Variants in PGM2L1 observed in about 807,000 individuals in gnomAD.
The protein encoded by PGM2L1 is phosphoglucomutase 2 like 1, also known as glucose 1,6-bisphosphate synthase.
Under a neutral mutation model 73.4 loss-of-function variants are expected in PGM2L1, and 35 were observed. The ratio of observed to expected loss-of-function variants is 0.48; its 90% CI spans 0.36 to 0.63. The LOEUF (loss-of-function observed/expected upper bound fraction) is 0.63, where lower values mean the gene tolerates loss of function less well. Among genes scored for constraint, PGM2L1 ranks in the 30% least tolerant of loss-of-function variants. The pLI is 0.00. For synonymous variants in PGM2L1, 225 were observed against 253.8 expected (o/e 0.89, Z 1.08); for missense variants, 570 against 742.0 (o/e 0.77, Z 2.69).
At chr11:74,373,981 A>G (rs1862814244) in intron 2 of PGM2L1, among the ~76,000 whole-genome samples, 1 of 151,660 alleles carries the variant, frequency 6.6e-6, no homozygotes, top group South Asian at 2.1e-4. Context: ...TTACTTACAT[A>G]ACAGTAACTT....
intron 9 of PGM2L1, among the ~76,000 whole-genome samples, chr11:74,344,861 C>A (rs1862238743): frequency 6.6e-6 from 1 of 152,124 alleles, no homozygotes; most frequent in Admixed American, 6.5e-5. Context: ...AGTGTTAAGA[C>A]CTGTAGCCTG....
intron 12 of PGM2L1, among the ~76,000 whole-genome samples, chr11:74,341,151 G>A (rs1032683702): frequency 1.2e-4 from 18 of 152,080 alleles, no homozygotes; most frequent in Admixed American, 5.2e-4. Flanking sequence ...CTTACCCTGA[G>A]GGTAGTATAC....
intron 12 of PGM2L1, among the ~76,000 whole-genome samples, chr11:74,341,491 A>C (rs2134882075): frequency 6.6e-6 from 1 of 152,250 alleles, no homozygotes; most frequent in South Asian, 2.1e-4. Flanking sequence ...CAGGAGTTCA[A>C]GACCAGCCTG....
intron 13 of PGM2L1, among the ~76,000 whole-genome samples, 195 bp downstream of exon 13, chr11:74,338,273 G>C (rs547631508): frequency 6.6e-6 from 1 of 152,246 alleles, no homozygotes; most frequent in Admixed American, 6.5e-5. Flanking sequence ...GGAGGGAAAT[G>C]GGAAGTGATT....
intron 5 of PGM2L1, among the ~76,000 whole-genome samples, chr11:74,363,479 C>T (rs1862599461): frequency 6.6e-6 from 1 of 151,724 alleles, no homozygotes; most frequent in South Asian, 2.1e-4. Context: ...GCTAGCAAGA[C>T]TAATAAAGAA....
chr11:74,340,980 C>T (rs1356413758), intron 12 of PGM2L1, among the ~76,000 whole-genome samples: 1 of 152,092 alleles, frequency 6.6e-6, no homozygotes, highest in African/African-American at 2.4e-5. Flanking sequence ...TTCTATTTGG[C>T]TGGAGGTATA....
At chr11:74,338,318 T>C in intron 13 of PGM2L1, 150 bp downstream of exon 13, 1 of 717,418 alleles carries the variant, frequency 1.4e-6, no homozygotes, top group Non-Finnish European at 2.0e-6. Context: ...GTGATGAAAA[T>C]GTTCTAAAAT....
chr11:74,371,597 TCA>T lies in PGM2L1; in HGVS notation c.386+112_386+113del, dbSNP rs1193554060. On this transcript the variant is annotated intron_variant, in intron 3 of 13. Coordinates refer to ENST00000298198, the MANE Select transcript of PGM2L1 (RefSeq NM_173582.6). Reference sequence around the variant, plus strand: ...CTTTAAAGTAAATATTAGCATGTGATCACATTTCTATCTGACAGTCTACTGTT... The same window carrying T: ...CTTTAAAGTAAATATTAGCATGTGATCATTTCTATCTGACAGTCTACTGTT... The T allele has an allele frequency of 8.1e-6, 6 of 738,930 alleles. No individual in the cohort carries two copies. In the African/African-American group the frequency reaches 8.9e-5, roughly 11 times the overall value. 45.8% of individuals were successfully genotyped at this position (738,930 alleles called of 1,614,324 possible).
At chr11:74,379,538 A>G (rs1239457053) in intron 1 of PGM2L1, among the ~76,000 whole-genome samples, 1 of 152,228 alleles carries the variant, frequency 6.6e-6, no homozygotes, top group Non-Finnish European at 1.5e-5. Context: ...GTATTCTAGT[A>G]CAAAACCTAA....
intron 5 of PGM2L1, 81 bp downstream of exon 5, chr11:74,368,411 T>C (rs1284505684): frequency 5.5e-6 from 7 of 1,261,872 alleles, no homozygotes; most frequent in South Asian, 2.5e-5. Flanking sequence ...CTCTCCAGTA[T>C]AGAAAACATA....
At chr11:74,352,107 T>C (rs1862367227) in intron 5 of PGM2L1, among the ~76,000 whole-genome samples, 1 of 152,052 alleles carries the variant, frequency 6.6e-6, no homozygotes, top group South Asian at 2.1e-4. Context: ...ATCAAATGAT[T>C]ATATATGATT....
chr11:74,345,385 T>G, intron 9 of PGM2L1, 84 bp downstream of exon 9: 1 of 1,175,198 alleles, frequency 8.5e-7, no homozygotes, highest in East Asian at 2.4e-5. Context: ...ATGAAATCAA[T>G]GAAAGTCAGT....
chr11:74,357,650 C>T (rs1862479648), intron 5 of PGM2L1, among the ~76,000 whole-genome samples: 1 of 152,186 alleles, frequency 6.6e-6, no homozygotes, highest in African/African-American at 2.4e-5. Context: ...ACTCTTGTTA[C>T]ATGATTCAGC....
intron 1 of PGM2L1, among the ~76,000 whole-genome samples, chr11:74,376,978 C>G (rs969095078): frequency 6.6e-6 from 1 of 151,936 alleles, no homozygotes; most frequent in African/African-American, 2.4e-5. Context: ...AAAATATAAC[C>G]TAAAAAACTA....
intron 5 of PGM2L1, chr11:74,355,129 T>C: frequency 7.5e-7 from 1 of 1,338,842 alleles, no homozygotes; most frequent in South Asian, 1.2e-5. Context: ...TGTGGTGGCT[T>C]TGGTGGCAGC....
chr11:74,394,367 TC>T (rs1438276958), intron 1 of PGM2L1, among the ~76,000 whole-genome samples: 1 of 152,144 alleles, frequency 6.6e-6, no homozygotes, highest in African/African-American at 2.4e-5. Context: ...AGTGAGTACA[TC>T]CTGAGACAAG....
chr11:74,390,102 G>A (rs1214256616), intron 1 of PGM2L1, among the ~76,000 whole-genome samples: 6 of 137,760 alleles, frequency 4.4e-5, no homozygotes, highest in Non-Finnish European at 9.2e-5. Flanking sequence ...CTGGGCGACA[G>A]AGCGAGACTC....
At chr11:74,345,686 C>A (rs758347281) in intron 8 of PGM2L1, 37 bp from the exon 9 acceptor site, 1 of 1,577,982 alleles carries the variant, frequency 6.3e-7, no homozygotes, top group South Asian at 1.1e-5. Flanking sequence ...CAAGACCTTT[C>A]TTCTCATTAA....
At chr11:74,368,115 AAGTC>A (rs1217102520) in intron 5 of PGM2L1, among the ~76,000 whole-genome samples, 1 of 152,192 alleles carries the variant, frequency 6.6e-6, no homozygotes. Flanking sequence ...CTCCGGCAGA[AAGTC>A]AGAGAGAGAG....
Sources: gnomAD v4.1 joint callset for allele counts (sites outside exome capture counted in the v4.1 genomes callset) on GRCh38, gnomAD v4.1.1 for gene constraint, MANE v1.5 for transcripts, NCBI Gene and HGNC (gene_info 2026-07-23, HGNC 2026-07-21) for gene names.